NPC1L1: variants seen among roughly 807,000 people sequenced by gnomAD.
NPC1L1 encodes the protein NPC1-like intracellular cholesterol transporter 1.
In NPC1L1, 98 loss-of-function variants were observed where a neutral mutation model predicts 117.0. The ratio of observed to expected loss-of-function variants is 0.84; its 90% CI spans 0.71 to 0.99. The LOEUF (loss-of-function observed/expected upper bound fraction) is 0.99. NPC1L1 is among the 50% of genes least tolerant of loss of function. NPC1L1 has a pLI of 0.00. For missense variants in NPC1L1, 1,540 were observed against 1,710.0 expected, an observed-to-expected ratio of 0.90 and a Z score of 1.75; for synonymous variants, 729 against 727.6, an observed-to-expected ratio of 1.00 and a Z score of -0.03.
rs570740561 is a variant in NPC1L1 at position 44,517,375 on chromosome 7, A to G, written c.3137-18T>C. On this transcript the variant is annotated intron_variant, in intron 14 of 18. Transcript: ENST00000381160. Reference sequence around the variant, plus strand: ...CCTGGAGGCTGGACAGCCATGGCACACAGAAGATGGAAGGGCAAAGGTCAG... The same window carrying G: ...CCTGGAGGCTGGACAGCCATGGCACGCAGAAGATGGAAGGGCAAAGGTCAG... The G allele has an allele frequency of 6.2e-7, 1 of 1,608,284 alleles. No homozygotes were observed. Among genetic ancestry groups the G allele is most frequent in the East Asian group, 2.2e-5 (1 of 44,884 alleles).
At position 44,520,614 on chromosome 7, in the gene NPC1L1, G is replaced by A. The variant is rs1801323177; in HGVS notation, c.3136+151C>T. 9.3e-6 allele frequency: 7 copies of A among 756,176 alleles called. No homozygotes were observed. The East Asian group carries it at 1.8e-4, about 19-fold the overall frequency. 46.8% of individuals were successfully genotyped at this position (756,176 alleles called of 1,614,324 possible). A position where few individuals can be genotyped will look rare whatever the true frequency, so the allele number is the denominator to read the frequency against. ...GGGGTGAAGTCTGAGATGTGGAGCT[G>A]GGAAACAAGACCCCTGCTGACAGGG... On this transcript the variant is annotated intron_variant, in intron 14 of 18. Transcript: ENST00000381160.
intron 18 of NPC1L1, 112 bp from the exon 19 acceptor site, chr7:44,513,761 T>C: frequency 9.0e-7 from 1 of 1,116,276 alleles, no homozygotes; most frequent in Non-Finnish European, 1.3e-6. Context: ...AGGGGGGATC[T>C]GTGCCATGTG....
chr7:44,516,948 G>C lies in NPC1L1; in HGVS notation c.3288-14C>G, dbSNP rs765034232. The C allele has an allele frequency of 1.3e-5, 21 of 1,608,646 alleles. No homozygotes were observed. The highest frequency in any genetic ancestry group is 2.7e-5 in the African/African-American group (2 of 74,792). ...ACATTGGTGATCCTGCCAGAGCACA[G>C]AGCATGGTCACAGGCTCAGGCCTCT... On this transcript the variant is annotated splice_polypyrimidine_tract_variant and intron_variant, in intron 15 of 18. Coordinates refer to ENST00000381160, the MANE Select transcript of NPC1L1 (RefSeq NM_001101648.2).
In NPC1L1 at chr7:44,539,609, C is replaced by A; in HGVS notation, c.788G>T (p.Cys263Phe). Residue 263 changes from cysteine to phenylalanine, a missense_variant, in exon 2 of 19, where the codon TGT becomes TTT. By Grantham distance (205) the Cys-to-Phe change is radical. Transcript: ENST00000381160. The surrounding 1 kb of genome is among the most constrained non-coding windows in gnomAD (Gnocchi z 4.4). ...GGCCTGGGGGCGGGCTATGGCAGGA[C>A]AGGATGCAGCACAGTCTTGGCAGGA... ...TCSCQDCAAS[C>F]PAIARPQALD... 6.2e-7 allele frequency: 1 copy of A among 1,613,918 alleles called. No individual in the cohort carries two copies. Among genetic ancestry groups the A allele is most frequent in the South Asian group, 1.1e-5 (1 of 91,084 alleles).
At chr7:44,525,266 T>A (rs1801476417) in intron 10 of NPC1L1, among the ~76,000 whole-genome samples, 3 of 148,722 alleles carry the variant, frequency 2.0e-5, no homozygotes, top group Admixed American at 2.0e-4. Flanking sequence ...ATATTATAAT[T>A]TTTTTTTTTT....
In NPC1L1 at chr7:44,513,572, A is replaced by G; in HGVS notation, c.3874T>C (p.Cys1292Arg). The change falls in exon 19 of 19, where the codon TGC becomes CGC. Residue 1292 changes from cysteine (C) to arginine (R), a missense_variant. Around this residue, in one of 3 missense-constraint regions of NPC1L1, gnomAD observed 742 missense variants for 873.6 expected, o/e 0.85. Coordinates refer to ENST00000381160, the MANE Select transcript of NPC1L1 (RefSeq NM_001101648.2). ...GAGACTCGGGAGGGGTGATTTGGGC[A>G]AGAGGCCACCATGACTGCTGCCACC... ...EAVAAVMVAS[C>R]PNHPSRVSTA... The G allele has an allele frequency of 2.5e-6, 4 of 1,613,940 alleles. No individual in the cohort carries two copies. The highest frequency in any genetic ancestry group is 3.4e-6 in the Non-Finnish European group (4 of 1,179,978).
chr7:44,513,161 C>T lies in NPC1L1; in HGVS notation c.*286G>A. 1 of 487,664 alleles carries T rather than the reference C, an allele frequency of 2.1e-6. No individual in the cohort carries two copies. The allele number at this position is 487,664 out of a possible 1,614,324, so 30.2% of individuals were successfully genotyped here. On this transcript the variant is annotated 3_prime_UTR_variant, in exon 19 of 19. Transcript: ENST00000381160. Reference sequence around the variant, plus strand: ...GGAAAGTGAGTGAGTGTGGGACAAACATGGAGTGTGTCTGTTCCTGCCAAC... The same window carrying T: ...GGAAAGTGAGTGAGTGTGGGACAAATATGGAGTGTGTCTGTTCCTGCCAAC...
Position 44,514,618 on chromosome 7 carries a change from A to G in NPC1L1, c.3797-969T>C, listed in dbSNP as rs556243998. The stretch of plus-strand genomic sequence containing the variant: ...AGGAGGCAGAGGTTGCAGTGAGCTG[A>G]GATTGCGCCACTGCACTCCAGCCTG... On this transcript the variant is annotated intron_variant, in intron 18 of 18. Transcript: ENST00000381160. Among the ~76,000 whole-genome samples, 3 of 152,306 alleles carry G rather than the reference A, an allele frequency of 2.0e-5. No homozygotes were observed. In the South Asian group the frequency reaches 6.2e-4, roughly 32 times the overall value.
chr7:44,527,347 C>CT (rs761811810), intron 10 of NPC1L1, among the ~76,000 whole-genome samples: 4 of 151,140 alleles, frequency 2.6e-5, no homozygotes, highest in Non-Finnish European at 5.9e-5. Flanking sequence ...AATCCCAGTA[C>CT]TCGGGGGGCT....
chr7:44,517,361 G>T lies in NPC1L1; in HGVS notation c.3137-4C>A. ...TGATAGGCCATGAACCTGGAGGCTG[G>T]ACAGCCATGGCACACAGAAGATGGA... is the stretch of plus-strand genomic sequence containing the variant. On this transcript the variant is annotated splice_region_variant and splice_polypyrimidine_tract_variant and intron_variant, in intron 14 of 18. Coordinates refer to ENST00000381160, the MANE Select transcript of NPC1L1 (RefSeq NM_001101648.2). 1 of 1,610,148 alleles carries T rather than the reference G, an allele frequency of 6.2e-7. No individual in the cohort carries two copies. The highest frequency in any genetic ancestry group is 1.1e-5 in the South Asian group (1 of 91,066).
rs1801986716 is a variant in NPC1L1 at position 44,538,984 on chromosome 7, G to A, written c.1413C>T (p.Cys471=). The A allele has an allele frequency of 6.2e-7, 1 of 1,614,238 alleles. No individual in the cohort carries two copies. Residue 471 remains cysteine (C), a synonymous_variant, in exon 2 of 19, where the codon TGC becomes TGT. Transcript: ENST00000381160. This position sits in a 1 kb window ranked among gnomAD's most constrained non-coding sequence, Gnocchi z 5.9. ...AQRNISLQDI[C]YAPLNPDNTS... The stretch of plus-strand genomic sequence containing the variant: ...TATTGTCCGGATTGAGGGGGGCGTA[G>A]CAGATGTCCTGCAGGGAGATGTTGC...
intron 10 of NPC1L1, among the ~76,000 whole-genome samples, chr7:44,525,006 G>A (rs1390211721): frequency 6.6e-6 from 1 of 151,886 alleles, no homozygotes; most frequent in Non-Finnish European, 1.5e-5. Flanking sequence ...TACTGAGTCT[G>A]AAGAAGAGAA....
Position 44,540,353 on chromosome 7 carries a change from C to T in NPC1L1, c.55-11G>A, listed in dbSNP as rs754890101. 6.2e-7 allele frequency: 1 copy of T among 1,610,226 alleles called. No homozygotes were observed. The highest frequency in any genetic ancestry group is 8.5e-7 in the Non-Finnish European group (1 of 1,179,726). ...AGGCTCACTCTGGGCCTGCAGAGCA[C>T]AGCAACATCACGCGTGGGCCCTGAC... On this transcript the variant is annotated splice_polypyrimidine_tract_variant and intron_variant, in intron 1 of 18. Coordinates refer to ENST00000381160, the MANE Select transcript of NPC1L1 (RefSeq NM_001101648.2).
intron 18 of NPC1L1, 118 bp downstream of exon 18, chr7:44,515,684 CT>C: frequency 8.2e-7 from 1 of 1,223,812 alleles, no homozygotes; most frequent in Admixed American, 1.7e-5. Flanking sequence ...ATAGTCCTGG[CT>C]TCTGACATCT....
chr7:44,539,004 T>C lies in NPC1L1; in HGVS notation c.1393A>G (p.Ile465Val). ...QVWSPEAQRN[I>V]SLQDICYAPL... Reference sequence around the variant, plus strand: ...GCGTAGCAGATGTCCTGCAGGGAGATGTTGCGCTGTGCTTCGGGCGACCAT... The same window carrying C: ...GCGTAGCAGATGTCCTGCAGGGAGACGTTGCGCTGTGCTTCGGGCGACCAT... The change falls in exon 2 of 19, where the codon ATC becomes GTC. Residue 465 changes from isoleucine to valine, a missense_variant. By Grantham distance (29) the Ile-to-Val change is conservative. Transcript: ENST00000381160. The surrounding 1 kb of genome is among the most constrained non-coding windows in gnomAD (Gnocchi z 4.4). The C allele has an allele frequency of 6.2e-7, 1 of 1,614,030 alleles. No homozygotes were observed. Among genetic ancestry groups the C allele is most frequent in the Middle Eastern group, 1.6e-4 (1 of 6,062 alleles).
In NPC1L1 at chr7:44,538,363, C is replaced by T. The variant is rs986466264; in HGVS notation, c.1580+454G>A. On this transcript the variant is annotated intron_variant, in intron 2 of 18. Coordinates refer to ENST00000381160, the MANE Select transcript of NPC1L1 (RefSeq NM_001101648.2). This position sits in a 1 kb window ranked among gnomAD's most constrained non-coding sequence, Gnocchi z 5.9. ...CCAGGTGCCTGAGACCAGCCACGAC[C>T]TCTGGCCTGAGGGCACCTTTTCCAA... 6.6e-5 allele frequency among the ~76,000 whole-genome samples: 10 copies of T among 152,246 alleles called. No individual in the cohort carries two copies. Among genetic ancestry groups the T allele is most frequent in the Non-Finnish European group, 1.2e-4 (8 of 68,050 alleles).
rs1411879353 is a variant in NPC1L1, at chr7:44,522,187, G to A, written c.2693C>T (p.Ala898Val). The A allele has an allele frequency of 4.0e-5, 64 of 1,613,798 alleles. No individual in the cohort carries two copies. The highest frequency in any genetic ancestry group is 5.4e-5 in the Non-Finnish European group (64 of 1,179,934). ...CAAGGTGGTAACAAAGTACACCGGG[G>A]CCCCCACCTCGAAGTAGCGGTTCAG... ...LFLNRYFEVG[A>V]PVYFVTTLGY... The change falls in exon 11 of 19, where the codon GCC becomes GTC. Residue 898 changes from alanine to valine, a missense_variant. By Grantham distance (64) the Ala-to-Val change is moderately conservative. Around this residue, in one of 3 missense-constraint regions of NPC1L1, gnomAD observed 742 missense variants for 873.6 expected, o/e 0.85. Transcript: ENST00000381160.
At position 44,540,027 on chromosome 7, in the gene NPC1L1, G is replaced by A; in HGVS notation, c.370C>T (p.His124Tyr). Residue 124 changes from histidine (H) to tyrosine (Y), a missense_variant, in exon 2 of 19, where the codon CAC (histidine) becomes TAC (tyrosine). By Grantham distance (83) the His-to-Tyr change is moderately conservative. This residue lies in a region of NPC1L1 where 793 missense variants were observed against 820.4 expected (regional missense o/e 0.97). Coordinates refer to ENST00000381160, the MANE Select transcript of NPC1L1 (RefSeq NM_001101648.2). The stretch of plus-strand genomic sequence containing the variant: ...TTGGGGCTGCACGTGTTGTGGCAGT[G>A]CAGGTTCACAAAATTGTCAGAGCAG... The part of the protein sequence containing the change: ...PACSDNFVNL[H>Y]CHNTCSPNQS... 1.2e-6 allele frequency: 2 copies of A among 1,614,218 alleles called. No homozygotes were observed. The highest frequency in any genetic ancestry group is 4.5e-5 in the East Asian group (2 of 44,876).
intron 10 of NPC1L1, among the ~76,000 whole-genome samples, chr7:44,525,651 T>C (rs2117042713): frequency 6.6e-6 from 1 of 151,830 alleles, no homozygotes; most frequent in East Asian, 1.9e-4. Flanking sequence ...GGTGGGAGGA[T>C]TGCTTGAGCC....
Sources: gnomAD v4.1 joint callset for allele counts (sites outside exome capture counted in the v4.1 genomes callset) on GRCh38, gnomAD v4.1.1 for gene constraint, gnomAD v4.1.1 regional missense constraint, Gnocchi (gnomAD v3.1) non-coding constraint, MANE v1.5 for transcripts, NCBI Gene and HGNC (gene_info 2026-07-23, HGNC 2026-07-21) for gene names.